Variants in CS observed in about 807,000 individuals in gnomAD.
The protein encoded by CS is citrate synthase, mitochondrial.
In CS, 13 loss-of-function variants were observed where a neutral mutation model predicts 61.4. That is an observed-to-expected ratio of 0.21 (90% confidence interval 0.14 to 0.34). The LOEUF (loss-of-function observed/expected upper bound fraction) is 0.34, where lower values mean the gene tolerates loss of function less well. CS is among the 10% of genes least tolerant of loss of function. The probability of loss-of-function intolerance (pLI) is 1.00; values close to 1 mark genes in which losing one functional copy is unlikely to be tolerated. For missense variants in CS, 278 were observed against 573.4 expected, an observed-to-expected ratio of 0.48 and a Z score of 5.26; for synonymous variants, 159 against 215.2, an observed-to-expected ratio of 0.74 and a Z score of 2.29.
intron 1 of CS, 67 bp from the exon 2 acceptor site, chr12:56,286,712 A>G: frequency 7.3e-7 from 1 of 1,368,768 alleles, no homozygotes; most frequent in Non-Finnish European, 1.0e-6. Flanking sequence ...ACAAGAAGGA[A>G]TTACAGTGAC....
intron 1 of CS, chr12:56,298,826 G>C (rs1340218922): frequency 4.5e-6 from 1 of 221,126 alleles, no homozygotes; most frequent in East Asian, 1.8e-4. Context: ...GATTACTTGA[G>C]CTCAGGAGTT....
intron 1 of CS, among the ~76,000 whole-genome samples, chr12:56,287,697 C>T (rs906474049): frequency 2.0e-5 from 3 of 151,994 alleles, no homozygotes; most frequent in Admixed American, 6.6e-5. Context: ...TCTTGTTGCC[C>T]AGACTGGAGT....
intron 1 of CS, among the ~76,000 whole-genome samples, chr12:56,294,985 C>T (rs1367536407): frequency 6.6e-6 from 1 of 151,744 alleles, no homozygotes; most frequent in East Asian, 2.0e-4. Flanking sequence ...AGGCTGGTCT[C>T]GAACTCCTGA....
intron 1 of CS, among the ~76,000 whole-genome samples, chr12:56,290,922 T>G (rs1356166722): frequency 6.6e-6 from 1 of 152,188 alleles, no homozygotes. Flanking sequence ...TCGCCAGAAG[T>G]ATTTACATTT....
At chr12:56,274,399 C>T in intron 9 of CS, 1 of 174,430 alleles carries the variant, frequency 5.7e-6, no homozygotes, top group Non-Finnish European at 1.2e-5. Flanking sequence ...GATCCATCCA[C>T]CCTGGACTCC....
chr12:56,275,267 A>T, intron 7 of CS, 136 bp from the exon 8 acceptor site: 2 of 1,032,918 alleles, frequency 1.9e-6, no homozygotes, highest in East Asian at 4.9e-5. Flanking sequence ...TTATACCTAA[A>T]CTCTTGTAAA....
chr12:56,279,492 C>T (rs1388664099), intron 6 of CS, among the ~76,000 whole-genome samples: 2 of 152,014 alleles, frequency 1.3e-5, no homozygotes, highest in Admixed American at 6.6e-5. Flanking sequence ...CAAGGCCAGG[C>T]GCGGTGGCTC....
intron 6 of CS, among the ~76,000 whole-genome samples, chr12:56,281,188 C>T (rs1478299035): frequency 2.6e-5 from 4 of 152,178 alleles, no homozygotes; most frequent in Non-Finnish European, 5.9e-5. Context: ...TACTACCTAT[C>T]TCCAAATAAG....
chr12:56,273,872 C>T (rs1371765200), intron 9 of CS, 76 bp from the exon 10 acceptor site: 29 of 1,320,106 alleles, frequency 2.2e-5, no homozygotes, highest in Non-Finnish European at 3.1e-5. Flanking sequence ...CTCACTCTGT[C>T]ACCCAGGCTG....
intron 1 of CS, chr12:56,291,379 GAA>G: frequency 1.5e-6 from 1 of 654,256 alleles, no homozygotes; most frequent in East Asian, 1.4e-4. Context: ...AGGCATCAAG[GAA>G]AAGATACCAG....
intron 1 of CS, among the ~76,000 whole-genome samples, chr12:56,287,963 C>A (rs1488013954): frequency 6.6e-6 from 1 of 152,094 alleles, no homozygotes; most frequent in East Asian, 1.9e-4. Context: ...AGGCCATACA[C>A]CAACTTTGAA....
intron 6 of CS, among the ~76,000 whole-genome samples, chr12:56,282,139 G>A (rs1025645932): frequency 2.0e-5 from 3 of 152,214 alleles, no homozygotes; most frequent in African/African-American, 7.2e-5. Context: ...TTATAGGCAT[G>A]AGCCACTGTG....
intron 3 of CS, among the ~76,000 whole-genome samples, chr12:56,285,477 T>C (rs1237616014): frequency 6.6e-6 from 1 of 152,170 alleles, no homozygotes; most frequent in Non-Finnish European, 1.5e-5. Context: ...TCATAGAGAT[T>C]GTATCTTCCT....
chr12:56,292,101 AAAGTTCT>A (rs1271398295), intron 1 of CS, among the ~76,000 whole-genome samples: 1 of 152,230 alleles, frequency 6.6e-6, no homozygotes, highest in Non-Finnish European at 1.5e-5. Flanking sequence ...CCTCTTTAAA[AAAGTTCT>A]AAGTTGCAGC....
chr12:56,285,116 T>A (rs1872903238), intron 3 of CS: 1 of 211,440 alleles, frequency 4.7e-6, no homozygotes, highest in African/African-American at 2.4e-5. Flanking sequence ...AGCTAATTTT[T>A]ATATTTTTTA....
chr12:56,300,308 G>C lies in CS; in HGVS notation c.-107C>G. On this transcript the variant is annotated 5_prime_UTR_variant, in exon 1 of 11. Coordinates refer to ENST00000351328, the MANE Select transcript of CS (RefSeq NM_004077.3). ...AGAGGCCGCGCCGACGGGTTGACAA[G>C]GTTGAAAGGAGGCGGCTGAAGGAAA... 8.1e-7 allele frequency: 1 copy of C among 1,242,072 alleles called. No homozygotes were observed. The highest frequency in any genetic ancestry group is 2.9e-5 in the East Asian group (1 of 34,994). 76.9% of individuals were successfully genotyped at this position (1,242,072 alleles called of 1,614,324 possible). A position where few individuals can be genotyped will look rare whatever the true frequency, so the allele number is the denominator to read the frequency against.
At chr12:56,283,709 G>T in intron 4 of CS, 83 bp downstream of exon 4, 1 of 994,710 alleles carries the variant, frequency 1.0e-6, no homozygotes, top group Non-Finnish European at 1.6e-6. Context: ...TCTGTTTTGT[G>T]CTTACCCTTA....
intron 2 of CS, 55 bp from the exon 3 acceptor site, chr12:56,286,078 T>G: frequency 6.8e-7 from 1 of 1,468,778 alleles, no homozygotes; most frequent in African/African-American, 1.4e-5. Context: ...TTAGATTTCC[T>G]GCAAAGTAGG....
chr12:56,275,858 G>C, intron 7 of CS, 138 bp downstream of exon 7: 1 of 746,148 alleles, frequency 1.3e-6, no homozygotes, highest in Non-Finnish European at 2.2e-6. Context: ...TTCTTGCCTT[G>C]GATCATCCTT....
Sources: gnomAD v4.1 joint callset for allele counts (sites outside exome capture counted in the v4.1 genomes callset) on GRCh38, gnomAD v4.1.1 for gene constraint, MANE v1.5 for transcripts, NCBI Gene and HGNC (gene_info 2026-07-23, HGNC 2026-07-21) for gene names.